The following ADAM10 variants were observed in gnomAD, a reference collection of about 807,000 sequenced individuals.
ADAM10 encodes disintegrin and metalloproteinase domain-containing protein 10.
ADAM10 carries 17 observed loss-of-function variants against 90.1 expected under a neutral mutation model. The observed-to-expected ratio is 0.19, with a 90% CI of 0.13 to 0.28. The LOEUF (loss-of-function observed/expected upper bound fraction) is 0.28. ADAM10 is among the 10% of genes least tolerant of loss of function. ADAM10 has a pLI of 1.00. For synonymous variants in ADAM10, 310 were observed against 298.6 expected (o/e 1.04, Z -0.40); for missense variants, 610 against 914.3 (o/e 0.67, Z 4.29).
chr15:58,667,611 T>C (rs1228496706), intron 4 of ADAM10, among the ~76,000 whole-genome samples: 1 of 152,136 alleles, frequency 6.6e-6, no homozygotes, highest in African/African-American at 2.4e-5. Flanking sequence ...ATGACTTCTA[T>C]AGAATAATAT....
chr15:58,654,367 C>A (rs1182445169), intron 5 of ADAM10, among the ~76,000 whole-genome samples: 1 of 151,980 alleles, frequency 6.6e-6, no homozygotes, highest in Non-Finnish European at 1.5e-5. Flanking sequence ...GTATCCTACG[C>A]GTTGTGTTAT....
chr15:58,691,388 C>T, intron 2 of ADAM10: 1 of 822,870 alleles, frequency 1.2e-6, no homozygotes, highest in Non-Finnish European at 2.1e-6. Context: ...CCTTCTTCCA[C>T]TCTTGCTCCA....
intron 15 of ADAM10, among the ~76,000 whole-genome samples, chr15:58,598,323 TAA>T (rs1175971861): frequency 6.6e-6 from 1 of 152,210 alleles, no homozygotes; most frequent in African/African-American, 2.4e-5. Flanking sequence ...TAACAGCATC[TAA>T]AAAGTGTCAT....
At chr15:58,729,578 T>G (rs1449611240) in intron 1 of ADAM10, among the ~76,000 whole-genome samples, 1 of 152,164 alleles carries the variant, frequency 6.6e-6, no homozygotes, top group Non-Finnish European at 1.5e-5. Context: ...TTCCGTGACT[T>G]CTACCAGCAG....
chr15:58,743,116 A>C (rs777826282), intron 1 of ADAM10, among the ~76,000 whole-genome samples: 10 of 152,066 alleles, frequency 6.6e-5, no homozygotes, highest in Non-Finnish European at 1.3e-4. Context: ...TGTCACATAG[A>C]GCTGCCCGTG....
At chr15:58,720,407 T>TTA (rs1555421850) in intron 1 of ADAM10, among the ~76,000 whole-genome samples, 1 of 15,708 alleles carries the variant, frequency 6.4e-5, no homozygotes, top group Admixed American at 6.0e-4. Flanking sequence ...TTATTTTATT[T>TTA]TTTTTTTTTT....
At chr15:58,651,032 A>G (rs533491678) in intron 5 of ADAM10, among the ~76,000 whole-genome samples, 10 of 152,212 alleles carry the variant, frequency 6.6e-5, no homozygotes, top group African/African-American at 1.9e-4. Context: ...ATCAAAATCC[A>G]AAATATTTTA....
rs558041598 is a variant in ADAM10 at position 58,745,443 on chromosome 15, A to G, written c.55+4037T>C. Among the ~76,000 whole-genome samples the G allele has an allele frequency of 2.6e-5, 4 of 152,332 alleles. No homozygotes were observed. The East Asian group carries it at 7.7e-4, about 29-fold the overall frequency. On this transcript the variant is annotated intron_variant, in intron 1 of 15. Coordinates refer to ENST00000260408, the MANE Select transcript of ADAM10 (RefSeq NM_001110.4). ...AATGGTTTCTTACTTACCCATTTAG[A>G]TAAAGAAATGTGGAGAGACTGTAAC...
intron 1 of ADAM10, among the ~76,000 whole-genome samples, chr15:58,727,582 T>C (rs1899083171): frequency 2.0e-5 from 3 of 152,196 alleles, no homozygotes; most frequent in African/African-American, 7.2e-5. Context: ...TCCTACTGGC[T>C]TGGCCTCCCG....
intron 5 of ADAM10, among the ~76,000 whole-genome samples, chr15:58,654,371 GTGTTA>G (rs1472101513): frequency 6.6e-6 from 1 of 152,096 alleles, no homozygotes; most frequent in Non-Finnish European, 1.5e-5. Flanking sequence ...CCTACGCGTT[GTGTTA>G]TGTTGTGTTT....
intron 2 of ADAM10, among the ~76,000 whole-genome samples, chr15:58,707,916 A>C (rs764559593): frequency 4.6e-5 from 7 of 152,042 alleles, no homozygotes; most frequent in Non-Finnish European, 1.0e-4. Flanking sequence ...ATCTCTACTA[A>C]AAATATGGAA....
intron 2 of ADAM10, among the ~76,000 whole-genome samples, chr15:58,696,042 G>A (rs557665683): frequency 1.3e-5 from 2 of 152,272 alleles, no homozygotes; most frequent in East Asian, 1.9e-4. Flanking sequence ...CTTGAACCCA[G>A]GAGGCAGAGG....
chr15:58,744,407 T>C (rs1595674581), intron 1 of ADAM10, among the ~76,000 whole-genome samples: 1 of 152,242 alleles, frequency 6.6e-6, no homozygotes, highest in South Asian at 2.1e-4. Context: ...AACAACCAAT[T>C]AGAAGGTAAC....
At position 58,615,820 on chromosome 15, in the gene ADAM10, C is replaced by A. The variant is rs184513874; in HGVS notation, c.1512-3829G>T. Among the ~76,000 whole-genome samples, 755 of 152,076 alleles carry A rather than the reference C, an allele frequency of 5.0e-3. 1 individual carries two copies. The highest frequency in any genetic ancestry group is 0.017 in the African/African-American group (722 of 41,480). The stretch of plus-strand genomic sequence containing the variant: ...GTCAGGAGTTCAAGACCAGCCTGAC[C>A]AACATGGCAAAACCCCGTCTCTATT... On this transcript the variant is annotated intron_variant, in intron 11 of 15. Coordinates refer to ENST00000260408, the MANE Select transcript of ADAM10 (RefSeq NM_001110.4).
At chr15:58,622,899 G>A (rs1364764411) in intron 10 of ADAM10, among the ~76,000 whole-genome samples, 1 of 152,194 alleles carries the variant, frequency 6.6e-6, no homozygotes, top group Non-Finnish European at 1.5e-5. Context: ...CAAGGAGTCT[G>A]TAACTTGCTA....
At chr15:58,696,781 T>C (rs1423358331) in intron 2 of ADAM10, among the ~76,000 whole-genome samples, 2 of 152,086 alleles carry the variant, frequency 1.3e-5, no homozygotes, top group Admixed American at 1.3e-4. Context: ...GATTTCATAA[T>C]AAGAAAATCA....
At chr15:58,693,137 T>A in intron 2 of ADAM10, 1 of 737,270 alleles carries the variant, frequency 1.4e-6, no homozygotes, top group Non-Finnish European at 2.6e-6. Flanking sequence ...AGTTGGGCAA[T>A]TTCTGCCTAA....
intron 3 of ADAM10, among the ~76,000 whole-genome samples, chr15:58,681,372 T>C (rs1479266032): frequency 1.3e-5 from 2 of 152,228 alleles, no homozygotes; most frequent in Non-Finnish European, 1.5e-5. Context: ...AGTTTAAGTA[T>C]AGAAATGCCT....
chr15:58,599,593 C>G lies in ADAM10; in HGVS notation c.2152+5G>C. 6.2e-7 allele frequency: 1 copy of G among 1,613,044 alleles called. No individual in the cohort carries two copies. The highest frequency in any genetic ancestry group is 8.5e-7 in the Non-Finnish European group (1 of 1,179,326). On this transcript the variant is annotated splice_donor_5th_base_variant and intron_variant, in intron 15 of 15. Coordinates refer to ENST00000260408, the MANE Select transcript of ADAM10 (RefSeq NM_001110.4). Reference sequence around the variant, plus strand: ...TAAATATGTATCTTGCTCAAATATTCTTACCTGGAAGTGGTTTAGGAGGAG... The same window carrying G: ...TAAATATGTATCTTGCTCAAATATTGTTACCTGGAAGTGGTTTAGGAGGAG...
Sources: gnomAD v4.1 joint callset for allele counts (sites outside exome capture counted in the v4.1 genomes callset) on GRCh38, gnomAD v4.1.1 for gene constraint, MANE v1.5 for transcripts, NCBI Gene and HGNC (gene_info 2026-07-23, HGNC 2026-07-21) for gene names.